The following DLG1 variants were observed in gnomAD, a reference collection of about 807,000 sequenced individuals.
The protein encoded by DLG1 is disks large homolog 1.
Under a neutral mutation model 123.4 loss-of-function variants are expected in DLG1, and 42 were observed. That is an observed-to-expected ratio of 0.34 (90% CI 0.27 to 0.44). DLG1 has a LOEUF of 0.44. Among genes scored for constraint, DLG1 ranks in the 20% least tolerant of loss-of-function variants. The pLI is 1.00. For missense variants in DLG1, 942 were observed against 1,082.6 expected, an observed-to-expected ratio of 0.87 and a Z score of 1.82; for synonymous variants, 317 against 356.2, an observed-to-expected ratio of 0.89 and a Z score of 1.24.
At chr3:197,173,748 T>C (rs1805522299) in intron 5 of DLG1, among the ~76,000 whole-genome samples, 2 of 152,246 alleles carry the variant, frequency 1.3e-5, no homozygotes, top group Non-Finnish European at 2.9e-5. Context: ...AACACTGCTA[T>C]TGTAGTTCAA....
intron 4 of DLG1, among the ~76,000 whole-genome samples, chr3:197,244,231 T>C (rs1252312170): frequency 6.6e-6 from 1 of 152,096 alleles, no homozygotes; most frequent in Non-Finnish European, 1.5e-5. Flanking sequence ...GTGCTGGACT[T>C]GAGGGAATAG....
chr3:197,161,861 A>G, intron 5 of DLG1: 2 of 607,354 alleles, frequency 3.3e-6, no homozygotes, highest in South Asian at 4.4e-5. Context: ...CAGGAAAAAC[A>G]TTAATACATT....
At chr3:197,264,818 G>A (rs1028937948) in intron 4 of DLG1, among the ~76,000 whole-genome samples, 4 of 152,066 alleles carry the variant, frequency 2.6e-5, no homozygotes, top group African/African-American at 4.8e-5. Context: ...AATCCAAAAC[G>A]CTTCTGGTCC....
At chr3:197,066,460 G>C (rs898894380) in intron 20 of DLG1, among the ~76,000 whole-genome samples, 1 of 152,078 alleles carries the variant, frequency 6.6e-6, no homozygotes, top group African/African-American at 2.4e-5. Context: ...ATGCTAACAA[G>C]AACACTGGAA....
At chr3:197,261,642 G>A (rs899202571) in intron 4 of DLG1, among the ~76,000 whole-genome samples, 2 of 152,122 alleles carry the variant, frequency 1.3e-5, no homozygotes, top group African/African-American at 4.8e-5. Flanking sequence ...CACATGGACT[G>A]CACTAACAAC....
At chr3:197,274,051 T>C (rs991862705) in intron 4 of DLG1, among the ~76,000 whole-genome samples, 1 of 152,132 alleles carries the variant, frequency 6.6e-6, no homozygotes, top group Non-Finnish European at 1.5e-5. Flanking sequence ...ACAGATTCAA[T>C]GCAATCCCTA....
At chr3:197,228,600 C>A (rs7633009) in intron 4 of DLG1, among the ~76,000 whole-genome samples, 1 of 152,034 alleles carries the variant, frequency 6.6e-6, no homozygotes, top group Admixed American at 6.5e-5. Context: ...CTGCAGAAGA[C>A]AGTATAAAAA....
intron 4 of DLG1, among the ~76,000 whole-genome samples, chr3:197,246,632 T>C (rs1751844126): frequency 1.3e-5 from 2 of 152,350 alleles, no homozygotes; most frequent in South Asian, 4.1e-4. Context: ...CCACAGGTTG[T>C]TGGTGACCCC....
At chr3:197,121,861 C>G (rs923457820) in intron 11 of DLG1, among the ~76,000 whole-genome samples, 5 of 148,486 alleles carry the variant, frequency 3.4e-5, no homozygotes, top group African/African-American at 9.9e-5. Flanking sequence ...GTTATCTAGT[C>G]CTCTTAGGTA....
At position 197,114,684 on chromosome 3, in the gene DLG1, A is replaced by C. The variant is rs560750689; in HGVS notation, c.1443+1243T>G. Among the ~76,000 whole-genome samples, 18 of 152,270 alleles carry C rather than the reference A, an allele frequency of 1.2e-4. No individual in the cohort carries two copies. The South Asian group carries it at 2.3e-3, about 19-fold the overall frequency. ...ATGTAGCATGTATATGAAAGCTTTT[A>C]AAAAAGGGAAATTTTCGGCCAGGTG... On this transcript the variant is annotated intron_variant, in intron 13 of 24. Coordinates refer to ENST00000667157, the MANE Select transcript of DLG1 (RefSeq NM_001366207.1).
intron 3 of DLG1, among the ~76,000 whole-genome samples, chr3:197,292,603 C>T (rs1775482930): frequency 6.6e-6 from 1 of 152,166 alleles, no homozygotes; most frequent in Admixed American, 6.5e-5. Context: ...AGGGGTCATA[C>T]TTTTGAAACT....
chr3:197,197,269 G>A (rs1381963511), intron 4 of DLG1, among the ~76,000 whole-genome samples: 1 of 152,152 alleles, frequency 6.6e-6, no homozygotes, highest in African/African-American at 2.4e-5. Context: ...ACAGGTGGTG[G>A]TGTGTTATTT....
chr3:197,179,252 G>C (rs1367550519), intron 5 of DLG1, among the ~76,000 whole-genome samples: 1 of 152,132 alleles, frequency 6.6e-6, no homozygotes, highest in African/African-American at 2.4e-5. Flanking sequence ...ATGTTTGGGG[G>C]ATGCTTAGGG....
In DLG1 at chr3:197,136,541, C is replaced by G; in HGVS notation, c.1020+1G>C. 6.2e-7 allele frequency: 1 copy of G among 1,605,208 alleles called. No individual in the cohort carries two copies. Among genetic ancestry groups the G allele is most frequent in the Non-Finnish European group, 8.5e-7 (1 of 1,176,838 alleles). ...AAAGACAATAGATTTCTTATACTTA[C>G]TGCTAAAAGTTTATCTCCAATCTGA... On this transcript the variant is annotated splice_donor_variant, in intron 10 of 24. Transcript: ENST00000667157. LOFTEE classifies it high-confidence loss of function.
chr3:197,296,635 C>CA (rs1777484447), intron 2 of DLG1, among the ~76,000 whole-genome samples, 158 bp from the exon 3 acceptor site: 1 of 150,024 alleles, frequency 6.7e-6, no homozygotes, highest in Non-Finnish European at 1.5e-5. Flanking sequence ...TTAGAATGAC[C>CA]AAAAAATAAA....
chr3:197,050,376 C>A (rs925395509), intron 24 of DLG1, among the ~76,000 whole-genome samples: 3 of 137,474 alleles, frequency 2.2e-5, no homozygotes, highest in African/African-American at 5.1e-5. Context: ...CAAAAAAAAA[C>A]AACAACAAAA....
chr3:197,164,756 GA>G (rs1362337917), intron 5 of DLG1, among the ~76,000 whole-genome samples: 2 of 130,170 alleles, frequency 1.5e-5, no homozygotes, highest in African/African-American at 2.8e-5. Context: ...AAAAAAAAAA[GA>G]AAAAAAATAC....
chr3:197,200,528 T>A (rs1368737946), intron 4 of DLG1, among the ~76,000 whole-genome samples: 1 of 151,958 alleles, frequency 6.6e-6, no homozygotes, highest in Non-Finnish European at 1.5e-5. Flanking sequence ...AGCAAAATAA[T>A]AAAACTATAG....
At chr3:197,298,050 A>C in intron 1 of DLG1, 2 of 486,752 alleles carry the variant, frequency 4.1e-6, no homozygotes, top group Non-Finnish European at 5.3e-6. Flanking sequence ...TTGCTGCCGC[A>C]CGCCCCACCC....
Sources: allele counts gnomAD v4.1 joint callset (sites outside exome capture counted in the v4.1 genomes callset), GRCh38; gene constraint gnomAD v4.1.1; transcripts MANE v1.5; gene names NCBI Gene and HGNC (gene_info 2026-07-23, HGNC 2026-07-21).